The following DPP6 variants were observed in gnomAD, a reference collection of about 807,000 sequenced individuals.
DPP6 encodes the protein dipeptidyl peptidase like 6.
Under a neutral mutation model 122.6 loss-of-function variants are expected in DPP6, and 69 were observed. That is an observed-to-expected ratio of 0.56 (90% confidence interval 0.46 to 0.69). The LOEUF is 0.69. DPP6 is among the 30% of genes least tolerant of loss of function. The pLI, the probability that DPP6 is intolerant of heterozygous loss-of-function variation, is 0.00. For missense variants in DPP6, 928 were observed against 1,116.9 expected (o/e 0.83, Z 2.41); for synonymous variants, 418 against 433.1 (o/e 0.97, Z 0.43).
At chr7:154,710,634 C>T (rs1355275701) in intron 7 of DPP6, among the ~76,000 whole-genome samples, 3 of 152,252 alleles carry the variant, frequency 2.0e-5, no homozygotes, top group African/African-American at 7.2e-5. Flanking sequence ...CACTTGCTAG[C>T]AGCCACTGCC....
At chr7:154,003,205 G>A (rs967770854) in intron 1 of DPP6, among the ~76,000 whole-genome samples, 3 of 152,126 alleles carry the variant, frequency 2.0e-5, no homozygotes, top group Non-Finnish European at 2.9e-5. Context: ...TCTTATCAAC[G>A]TCGGTGACCC....
intron 1 of DPP6, among the ~76,000 whole-genome samples, chr7:154,131,650 G>T (rs1478620228): frequency 6.6e-6 from 1 of 152,294 alleles, no homozygotes; most frequent in Admixed American, 6.5e-5. Flanking sequence ...ATACTAAGGG[G>T]TTTTTCTCTT....
chr7:154,808,169 C>CTAT (rs1172683327), intron 16 of DPP6, among the ~76,000 whole-genome samples: 6 of 152,230 alleles, frequency 3.9e-5, no homozygotes, highest in Non-Finnish European at 8.8e-5. Context: ...TTTCAATCCC[C>CTAT]TAAGCCATAG....
the DPP6 span, among the ~76,000 whole-genome samples, chr7:153,843,678 GT>G: frequency 1.3e-5 from 2 of 152,184 alleles, no homozygotes; most frequent in Non-Finnish European, 2.9e-5. Flanking sequence ...CATAACATCT[GT>G]ATTCAGAAGT....
intron 7 of DPP6, among the ~76,000 whole-genome samples, chr7:154,715,347 G>A (rs1841423575): frequency 6.6e-6 from 1 of 152,198 alleles, no homozygotes; most frequent in Admixed American, 6.5e-5. Flanking sequence ...GGGATTACAG[G>A]CATGAGCCAC....
intron 4 of DPP6, among the ~76,000 whole-genome samples, chr7:154,559,959 A>T (rs1830314179): frequency 8.5e-6 from 1 of 117,654 alleles, no homozygotes; most frequent in Admixed American, 8.8e-5. Flanking sequence ...TATATATAAG[A>T]TATATATAAA....
In DPP6 at chr7:154,060,294, C is replaced by G. The variant is rs1343104921; in HGVS notation, c.243+7231C>G. On this transcript the variant is annotated intron_variant, in intron 1 of 25. Coordinates refer to ENST00000377770, the MANE Select transcript of DPP6 (RefSeq NM_130797.4). The stretch of plus-strand genomic sequence containing the variant: ...AGGCAGGGACTGAGAGGCAATCCCT[C>G]TTCCCCCCCTGGCTCTTAGGACCCC... Among the ~76,000 whole-genome samples the G allele has an allele frequency of 5.6e-4, 75 of 134,128 alleles. 1 individual carries two copies. The highest frequency in any genetic ancestry group is 1.7e-3 in the African/African-American group (61 of 35,472). The allele number at this position is 134,128 out of a possible 152,430, so 88.0% of individuals were successfully genotyped here. A position where few individuals can be genotyped will look rare whatever the true frequency, so the allele number is the denominator to read the frequency against.
intron 13 of DPP6, among the ~76,000 whole-genome samples, chr7:154,801,977 G>A (rs1189141497): frequency 6.6e-6 from 1 of 152,074 alleles, no homozygotes; most frequent in Non-Finnish European, 1.5e-5. Context: ...GCATCCCTGA[G>A]TAGGGAATCT....
rs75390167 is a variant in DPP6 at position 154,602,379 on chromosome 7, A to G, written c.628-35442A>G. On this transcript the variant is annotated intron_variant, in intron 5 of 25. Transcript: ENST00000377770. ...TTAGAAAATCAACTGTCTTTAAGAA[A>G]AAAAACAGCTTTATATTTATCTATT... 3.3e-3 allele frequency among the ~76,000 whole-genome samples: 403 copies of G among 121,640 alleles called. 82 individuals are homozygous for G. Among genetic ancestry groups the G allele is most frequent in the African/African-American group, 9.3e-3 (354 of 38,214 alleles). The allele number at this position is 121,640 out of a possible 152,430, so 79.8% of individuals were successfully genotyped here. A position where few individuals can be genotyped will look rare whatever the true frequency, so the allele number is the denominator to read the frequency against.
the DPP6 span, among the ~76,000 whole-genome samples, chr7:153,877,984 T>C: frequency 1.3e-3 from 195 of 152,122 alleles, 3 homozygotes; most frequent in African/African-American, 4.1e-3. Flanking sequence ...CAAAAGAAAA[T>C]ATCCAAATTA....
At chr7:153,881,424 T>C in the DPP6 span, among the ~76,000 whole-genome samples, 3 of 152,230 alleles carry the variant, frequency 2.0e-5, no homozygotes, top group Non-Finnish European at 4.4e-5. Context: ...GCAGGGTTGA[T>C]ATTGGACTTA....
intron 1 of DPP6, among the ~76,000 whole-genome samples, chr7:154,060,132 A>G (rs116480163): frequency 0.25 from 32,490 of 130,374 alleles, 708 homozygotes; most frequent in African/African-American, 0.33. Context: ...GCAAACCTCC[A>G]CCTTTCCTCC....
intron 1 of DPP6, among the ~76,000 whole-genome samples, chr7:154,010,831 T>G (rs1798122331): frequency 6.6e-6 from 1 of 152,218 alleles, no homozygotes; most frequent in African/African-American, 2.4e-5. Flanking sequence ...ATGCCAGACT[T>G]GTGCCGAATT....
At chr7:154,620,573 G>GT (rs558902013) in intron 5 of DPP6, among the ~76,000 whole-genome samples, 24 of 152,254 alleles carry the variant, frequency 1.6e-4, no homozygotes, top group Non-Finnish European at 2.2e-4. Context: ...AGTGTGCAGT[G>GT]TTTTTTTCCT....
intron 1 of DPP6, among the ~76,000 whole-genome samples, chr7:154,269,838 TA>T (rs1211947052): frequency 1.3e-4 from 20 of 152,178 alleles, no homozygotes; most frequent in Admixed American, 3.3e-4. Context: ...ACATTGTCAT[TA>T]AGGAAATGTG....
chr7:153,800,603 A>G, the DPP6 span, among the ~76,000 whole-genome samples: 97,495 of 151,892 alleles, frequency 0.64, 33,150 homozygotes, highest in African/African-American at 0.87. Context: ...TGCAACCTCC[A>G]CCTCCCAGGT....
intron 1 of DPP6, among the ~76,000 whole-genome samples, chr7:153,953,608 C>A (rs1350554977): frequency 6.6e-6 from 1 of 152,110 alleles, no homozygotes; most frequent in Non-Finnish European, 1.5e-5. Flanking sequence ...ATCCCACTTT[C>A]CTCTCCATAA....
intron 7 of DPP6, among the ~76,000 whole-genome samples, chr7:154,681,203 T>C (rs968759282): frequency 6.6e-6 from 1 of 152,200 alleles, no homozygotes; most frequent in Non-Finnish European, 1.5e-5. Context: ...CTTGCCCACG[T>C]TGGCCGGTGA....
intron 1 of DPP6, among the ~76,000 whole-genome samples, chr7:153,918,460 A>T (rs200961871): frequency 0.19 from 16,633 of 87,696 alleles, 1,454 homozygotes; most frequent in Middle Eastern, 0.23. Context: ...ACACACACAC[A>T]CACACACTCT....
Sources: allele counts gnomAD v4.1 joint callset (sites outside exome capture counted in the v4.1 genomes callset), GRCh38; gene constraint gnomAD v4.1.1; transcripts MANE v1.5; gene names NCBI Gene and HGNC (gene_info 2026-07-23, HGNC 2026-07-21).